The following CMIP variants were observed in gnomAD, a reference collection of about 807,000 sequenced individuals.
CMIP encodes the protein C-Maf-inducing protein.
A neutral mutation model predicts 97.3 loss-of-function variants in CMIP; 13 were observed. The observed-to-expected ratio is 0.13, with a 90% CI of 0.09 to 0.21. The LOEUF (loss-of-function observed/expected upper bound fraction) is 0.21, where lower values mean the gene tolerates loss of function less well. Among genes scored for constraint, CMIP ranks in the 10% least tolerant of loss-of-function variants. The pLI is 1.00. For synonymous variants in CMIP, 538 were observed against 436.3 expected (o/e 1.23, Z -2.91); for missense variants, 847 against 1,024.9 (o/e 0.83, Z 2.37).
chr16:81,497,650 G>C (rs2089515991), intron 1 of CMIP, among the ~76,000 whole-genome samples: 2 of 152,248 alleles, frequency 1.3e-5, no homozygotes, highest in Admixed American at 6.5e-5. Context: ...GGCCTGGGCA[G>C]CCGAGGTCTT....
intron 1 of CMIP, among the ~76,000 whole-genome samples, chr16:81,524,784 A>C (rs2090096417): frequency 2.0e-5 from 3 of 148,922 alleles, no homozygotes; most frequent in South Asian, 4.3e-4. Context: ...GAGCATTTTT[A>C]TTTCTTTTCT....
chr16:81,689,869 A>T (rs1355190705), intron 10 of CMIP, among the ~76,000 whole-genome samples: 2 of 152,230 alleles, frequency 1.3e-5, no homozygotes, highest in African/African-American at 4.8e-5. Context: ...AGCTTTCTAC[A>T]TATGGCTAGC....
At chr16:81,635,137 G>A (rs185623940) in intron 3 of CMIP, among the ~76,000 whole-genome samples, 6 of 152,258 alleles carry the variant, frequency 3.9e-5, no homozygotes, top group South Asian at 2.1e-4. Context: ...ATTAAGCAGC[G>A]TTGTTTCCTG....
intron 1 of CMIP, among the ~76,000 whole-genome samples, chr16:81,447,569 A>C (rs1333628366): frequency 2.6e-5 from 4 of 152,300 alleles, no homozygotes; most frequent in Admixed American, 2.6e-4. Flanking sequence ...GCCTTTCCGG[A>C]AAGCACCTGT....
chr16:81,648,431 A>C (rs551627185), intron 3 of CMIP, among the ~76,000 whole-genome samples: 15 of 152,110 alleles, frequency 9.9e-5, no homozygotes, highest in African/African-American at 3.4e-4. Context: ...GACCCTGCAG[A>C]GCGCATGCTT....
intron 1 of CMIP, among the ~76,000 whole-genome samples, chr16:81,540,332 T>C (rs2090424975): frequency 6.6e-6 from 1 of 152,212 alleles, no homozygotes; most frequent in Admixed American, 6.5e-5. Flanking sequence ...TGGCTGAGTC[T>C]CACTTTGTTG....
Position 81,657,789 on chromosome 16 carries a change from C to G in CMIP, c.654C>G (p.Thr218=). Reference sequence around the variant, plus strand: ...CAATCCTTTAGAACACAAACTTGACCACCCAGGAGCATGAAAACATCATTG... The same window carrying G: ...CAATCCTTTAGAACACAAACTTGACGACCCAGGAGCATGAAAACATCATTG... ...SKLLSENTNL[T]TQEHENIIVA... is the part of the protein sequence containing the mutation. Residue 218 remains threonine, a synonymous_variant, in exon 5 of 21, where the codon ACC becomes ACG. Transcript: ENST00000537098. 1 of 1,607,878 alleles carries G rather than the reference C, an allele frequency of 6.2e-7. No homozygotes were observed. Among genetic ancestry groups the G allele is most frequent in the East Asian group, 2.2e-5 (1 of 44,594 alleles).
At chr16:81,505,933 T>C (rs535714860) in intron 1 of CMIP, among the ~76,000 whole-genome samples, 136 of 152,284 alleles carry the variant, frequency 8.9e-4, no homozygotes, top group Non-Finnish European at 1.2e-3. Context: ...AGGTGGAGGT[T>C]GCGGTGAGCC....
intron 1 of CMIP, among the ~76,000 whole-genome samples, chr16:81,551,290 C>T: frequency 6.6e-6 from 1 of 152,224 alleles, no homozygotes. Flanking sequence ...TCTGAGTAAC[C>T]ATGGGCAACC....
At chr16:81,693,081 A>G in intron 11 of CMIP, 77 bp from the exon 12 acceptor site, 1 of 1,062,230 alleles carries the variant, frequency 9.4e-7, no homozygotes, top group South Asian at 1.3e-5. Flanking sequence ...AGACGTCCCC[A>G]GAGGTTAATC....
intron 3 of CMIP, among the ~76,000 whole-genome samples, chr16:81,623,250 A>G (rs1220495593): frequency 6.6e-6 from 1 of 152,204 alleles, no homozygotes; most frequent in Non-Finnish European, 1.5e-5. Context: ...CAGACAGTTG[A>G]TTGAGCAAGT....
chr16:81,456,909 C>G (rs1397969611), intron 1 of CMIP, among the ~76,000 whole-genome samples: 1 of 152,190 alleles, frequency 6.6e-6, no homozygotes, highest in Non-Finnish European at 1.5e-5. Context: ...TTCCTGCAGA[C>G]CCATCTCCGG....
chr16:81,624,434 C>T (rs1446200593), intron 3 of CMIP, among the ~76,000 whole-genome samples: 2 of 151,648 alleles, frequency 1.3e-5, no homozygotes, highest in Non-Finnish European at 2.9e-5. Context: ...AATACGTTCT[C>T]CTGTATGTAA....
intron 1 of CMIP, among the ~76,000 whole-genome samples, chr16:81,494,387 A>G (rs2089453897): frequency 6.6e-6 from 1 of 152,152 alleles, no homozygotes; most frequent in African/African-American, 2.4e-5. Flanking sequence ...TTATTGACGC[A>G]GAGGGTGGGA....
chr16:81,519,326 A>G (rs1225616321), intron 1 of CMIP: 1 of 152,146 alleles, frequency 6.6e-6, no homozygotes, highest in Non-Finnish European at 1.5e-5. Context: ...AAAAAGTAAA[A>G]TCCCTGTGAT....
chr16:81,705,626 G>A (rs766689581), intron 19 of CMIP, 22 bp downstream of exon 19: 1 of 1,476,058 alleles, frequency 6.8e-7, no homozygotes, highest in Non-Finnish European at 9.3e-7. Flanking sequence ...CGGGGCAGCT[G>A]GGGGGTGAGG....
intron 1 of CMIP, among the ~76,000 whole-genome samples, chr16:81,550,995 C>G (rs62046628): frequency 3.6e-5 from 5 of 137,848 alleles, no homozygotes; most frequent in African/African-American, 1.4e-4. Context: ...CACACGCACC[C>G]CAGTCCCGTC....
chr16:81,583,318 G>A (rs545356158), intron 1 of CMIP, among the ~76,000 whole-genome samples: 1 of 152,338 alleles, frequency 6.6e-6, no homozygotes, highest in East Asian at 1.9e-4. Context: ...TCGGGGCTCC[G>A]GGCCTCTCAT....
Position 81,696,560 on chromosome 16 carries a change from G to T in CMIP, c.1531G>T (p.Val511Phe). 2 of 1,603,598 alleles carry T rather than the reference G, an allele frequency of 1.2e-6. No homozygotes were observed. Among genetic ancestry groups the T allele is most frequent in the Non-Finnish European group, 8.5e-7 (1 of 1,179,548 alleles). The change falls in exon 14 of 21, where the codon GTC (valine) becomes TTC (phenylalanine). Residue 511 changes from valine (V) to phenylalanine (F), a missense_variant and splice_region_variant. By Grantham distance (50) the Val-to-Phe change is conservative. Transcript: ENST00000537098. ...QRFAEDPRQE[V>F]HSCLLSVRAG... is the part of the protein sequence containing the mutation. ...ACTTGTGTCTTCCCTTGTCTGGCAG[G>T]TCCACTCATGCCTGCTGAGCGTGCG...
Sources: gnomAD v4.1 joint callset for allele counts (sites outside exome capture counted in the v4.1 genomes callset) on GRCh38, gnomAD v4.1.1 for gene constraint, MANE v1.5 for transcripts, NCBI Gene and HGNC (gene_info 2026-07-23, HGNC 2026-07-21) for gene names.